Variants in NOVA1 observed in about 807,000 individuals in gnomAD.
The protein encoded by NOVA1 is RNA-binding protein Nova-1.
NOVA1 carries 7 observed loss-of-function variants against 38.0 expected under a neutral mutation model. The ratio of observed to expected loss-of-function variants is 0.18; its 90% CI spans 0.10 to 0.35. NOVA1 has a LOEUF of 0.35. Ranked by LOEUF, NOVA1 falls within the 10% of genes least tolerant of loss-of-function variation. NOVA1 has a pLI of 1.00. For missense variants in NOVA1, 460 were observed against 616.0 expected (o/e 0.75, Z 2.68); for synonymous variants, 270 against 232.5 (o/e 1.16, Z -1.47).
At chr14:26,462,828 T>C (rs1351371794) in intron 4 of NOVA1, among the ~76,000 whole-genome samples, 1 of 152,210 alleles carries the variant, frequency 6.6e-6, no homozygotes, top group Admixed American at 6.5e-5. Flanking sequence ...GAAATTACCT[T>C]CTTTCCCTTA....
intron 1 of NOVA1, 98 bp downstream of exon 1, chr14:26,597,203 G>T: frequency 9.6e-7 from 1 of 1,041,010 alleles, no homozygotes; most frequent in Non-Finnish European, 1.2e-6. Context: ...CGGGCCGCGG[G>T]AGGGAGGGAG....
intron 2 of NOVA1, among the ~76,000 whole-genome samples, chr14:26,566,231 T>A (rs186859082): frequency 6.6e-6 from 1 of 152,266 alleles, no homozygotes; most frequent in East Asian, 1.9e-4. Flanking sequence ...TAAGGAAATG[T>A]CATACTTATT....
At chr14:26,464,928 T>G (rs918276552) in intron 4 of NOVA1, among the ~76,000 whole-genome samples, 1 of 152,156 alleles carries the variant, frequency 6.6e-6, no homozygotes, top group African/African-American at 2.4e-5. Flanking sequence ...TTTGCAATTT[T>G]GATATGTATA....
At position 26,456,958 on chromosome 14, in the gene NOVA1, A is replaced by AAT. The variant is rs1347051263; in HGVS notation, c.520-7997_520-7996dup. 9.5e-5 allele frequency among the ~76,000 whole-genome samples: 14 copies of AAT among 146,898 alleles called. No individual in the cohort carries two copies. The East Asian group carries it at 1.0e-3, about 11-fold the overall frequency. On this transcript the variant is annotated intron_variant, in intron 4 of 4. Coordinates refer to ENST00000539517, the MANE Select transcript of NOVA1 (RefSeq NM_002515.3). ...ATGTATATATATACACACACACACAAATATATACACACACACACACATATA... is the reference window on the plus strand; with the variant it reads ...ATGTATATATATACACACACACACAAATATATATACACACACACACACATATA...
At chr14:26,476,562 T>A (rs543468995) in intron 3 of NOVA1, among the ~76,000 whole-genome samples, 79 of 152,282 alleles carry the variant, frequency 5.2e-4, no homozygotes, top group Non-Finnish European at 7.8e-4. Context: ...TCACATCATT[T>A]CACCTTCCTA....
At chr14:26,466,383 C>A (rs1032725425) in intron 4 of NOVA1, among the ~76,000 whole-genome samples, 1 of 152,100 alleles carries the variant, frequency 6.6e-6, no homozygotes, top group Admixed American at 6.5e-5. Context: ...AGTTTTTGGA[C>A]TTACTGTATT....
chr14:26,589,837 T>G (rs1018623376), intron 2 of NOVA1, among the ~76,000 whole-genome samples: 1 of 151,834 alleles, frequency 6.6e-6, no homozygotes, highest in Non-Finnish European at 1.5e-5. Context: ...ATTTCCATAT[T>G]AAAGACGTAG....
At chr14:26,588,197 AC>A (rs1385025707) in intron 2 of NOVA1, among the ~76,000 whole-genome samples, 2 of 151,110 alleles carry the variant, frequency 1.3e-5, no homozygotes, top group African/African-American at 2.4e-5. Context: ...AAAAAAAAAA[AC>A]ACTACCATCT....
chr14:26,579,200 GGC>G (rs1893059863), intron 2 of NOVA1, among the ~76,000 whole-genome samples: 2 of 151,690 alleles, frequency 1.3e-5, no homozygotes, highest in Non-Finnish European at 2.9e-5. Flanking sequence ...TGGGACTACA[GGC>G]GCGCGCCATC....
At position 26,497,687 on chromosome 14, in the gene NOVA1, C is replaced by G. The variant is rs889908908; in HGVS notation, c.281-17544G>C. On this transcript the variant is annotated intron_variant, in intron 2 of 4. Coordinates refer to ENST00000539517, the MANE Select transcript of NOVA1 (RefSeq NM_002515.3). ...TCTGACTATATTTTCTATCACATAC[C>G]CAAATCCAGAGAATAATTATGCATG... Among the ~76,000 whole-genome samples, 47 of 152,186 alleles carry G rather than the reference C, an allele frequency of 3.1e-4. 1 individual carries two copies. The highest frequency in any genetic ancestry group is 3.0e-3 in the Admixed American group (46 of 15,286).
intron 3 of NOVA1, among the ~76,000 whole-genome samples, chr14:26,478,359 C>T (rs1885157942): frequency 6.6e-6 from 1 of 151,618 alleles, no homozygotes; most frequent in African/African-American, 2.4e-5. Flanking sequence ...TATCATACTA[C>T]TAAATTTTAT....
Position 26,447,640 on chromosome 14 carries a change from G to A in NOVA1, c.*319C>T, listed in dbSNP as rs1882184950. ...CTAGAACTAATACTGAAAACTATAC[G>A]CATATCCCTGTCTACATTCAATCAT... is the stretch of plus-strand genomic sequence containing the variant. On this transcript the variant is annotated 3_prime_UTR_variant, in exon 5 of 5. Coordinates refer to ENST00000539517, the MANE Select transcript of NOVA1 (RefSeq NM_002515.3). 8.9e-6 allele frequency: 3 copies of A among 335,558 alleles called. No individual in the cohort carries two copies. The highest frequency in any genetic ancestry group is 1.1e-5 in the Non-Finnish European group (2 of 180,250). 20.8% of individuals were successfully genotyped at this position (335,558 alleles called of 1,614,324 possible).
chr14:26,513,021 T>A (rs915260188), intron 2 of NOVA1, among the ~76,000 whole-genome samples: 4 of 151,854 alleles, frequency 2.6e-5, no homozygotes, highest in Admixed American at 2.6e-4. Context: ...GAAATGTATA[T>A]ACATACTTTG....
rs1303298977 is a variant in NOVA1 at position 26,595,544 on chromosome 14, T to C, written c.146A>G (p.Gln49Arg). 1 of 1,612,642 alleles carries C rather than the reference T, an allele frequency of 6.2e-7. No homozygotes were observed. Among genetic ancestry groups the C allele is most frequent in the Non-Finnish European group, 8.5e-7 (1 of 1,179,528 alleles). The change falls in exon 2 of 5, where the codon CAG becomes CGG. Residue 49 changes from glutamine (Q) to arginine (R), a missense_variant. By Grantham distance (43) the Gln-to-Arg change is conservative. Coordinates refer to ENST00000539517, the MANE Select transcript of NOVA1 (RefSeq NM_002515.3). Reference sequence around the variant, plus strand: ...AGGTATGAGAACCTTTAGAAAATACTGGCCGTCTTCTGAAAAATGCAAAGA... The same window carrying C: ...AGGTATGAGAACCTTTAGAAAATACCGGCCGTCTTCTGAAAAATGCAAAGA... ...TKRTNTGEDG[Q>R]YFLKVLIPSY...
intron 2 of NOVA1, among the ~76,000 whole-genome samples, chr14:26,592,309 G>C (rs551698372): frequency 6.6e-6 from 1 of 150,698 alleles, no homozygotes; most frequent in African/African-American, 2.4e-5. Flanking sequence ...CTCAAACCAA[G>C]AAAGCTGTTT....
chr14:26,531,116 A>G (rs767205071), intron 2 of NOVA1, among the ~76,000 whole-genome samples: 6 of 152,224 alleles, frequency 3.9e-5, no homozygotes, highest in African/African-American at 1.4e-4. Flanking sequence ...TATTTCATAC[A>G]TAAGTCAGTA....
chr14:26,454,291 TA>T (rs1250933555), intron 4 of NOVA1, among the ~76,000 whole-genome samples: 1 of 152,216 alleles, frequency 6.6e-6, no homozygotes, highest in East Asian at 1.9e-4. Flanking sequence ...AGGTCTGACC[TA>T]TTGCTATACT....
chr14:26,544,279 G>C (rs2138611420), intron 2 of NOVA1, among the ~76,000 whole-genome samples: 1 of 152,056 alleles, frequency 6.6e-6, no homozygotes, highest in Non-Finnish European at 1.5e-5. Context: ...GACAAATAAA[G>C]TGTCAACCGC....
At chr14:26,541,295 A>AT (rs1474805916) in intron 2 of NOVA1, among the ~76,000 whole-genome samples, 1 of 151,966 alleles carries the variant, frequency 6.6e-6, no homozygotes, top group Non-Finnish European at 1.5e-5. Context: ...TGAGTAAGGT[A>AT]TTTTGTATAG....
Sources: gnomAD v4.1 joint callset for allele counts (sites outside exome capture counted in the v4.1 genomes callset) on GRCh38, gnomAD v4.1.1 for gene constraint, MANE v1.5 for transcripts, NCBI Gene and HGNC (gene_info 2026-07-23, HGNC 2026-07-21) for gene names.